CDH9: variants seen among roughly 807,000 people sequenced by gnomAD.
The protein encoded by CDH9 is cadherin-9.
Under a neutral mutation model 70.9 loss-of-function variants are expected in CDH9, and 28 were observed. That is an observed-to-expected ratio of 0.40 (90% CI 0.29 to 0.54). The LOEUF is 0.54. CDH9 is among the 20% of genes least tolerant of loss of function. The pLI, the probability that CDH9 is intolerant of heterozygous loss-of-function variation, is 0.59. For missense variants in CDH9, 874 were observed against 984.4 expected (o/e 0.89, Z 1.50); for synonymous variants, 409 against 343.1 (o/e 1.19, Z -2.12).
At chr5:26,931,168 T>C (rs1741456210) in intron 2 of CDH9, among the ~76,000 whole-genome samples, 1 of 152,068 alleles carries the variant, frequency 6.6e-6, no homozygotes, top group African/African-American at 2.4e-5. Flanking sequence ...AGGTATACAT[T>C]CCCTCTAGCA....
At chr5:26,907,660 A>G (rs998460059) in intron 3 of CDH9, among the ~76,000 whole-genome samples, 4 of 152,132 alleles carry the variant, frequency 2.6e-5, no homozygotes, top group African/African-American at 9.6e-5. Context: ...AATAAAATAT[A>G]TTGATGAATT....
At chr5:26,946,914 A>G (rs1222611244) in intron 2 of CDH9, among the ~76,000 whole-genome samples, 1 of 152,202 alleles carries the variant, frequency 6.6e-6, no homozygotes, top group East Asian at 1.9e-4. Flanking sequence ...AGTCAGGCAA[A>G]CCCTCACTGT....
At chr5:27,022,097 CG>C (rs757915107) in intron 1 of CDH9, among the ~76,000 whole-genome samples, 1 of 151,906 alleles carries the variant, frequency 6.6e-6, no homozygotes, top group Non-Finnish European at 1.5e-5. Context: ...AGATAAAACA[CG>C]GTTAAGAATA....
chr5:26,923,399 A>G (rs913093124), intron 2 of CDH9, among the ~76,000 whole-genome samples: 2 of 151,950 alleles, frequency 1.3e-5, no homozygotes, highest in African/African-American at 4.8e-5. Context: ...TATATATAAA[A>G]CCTTAGCACA....
intron 7 of CDH9, among the ~76,000 whole-genome samples, chr5:26,896,475 TATGAA>T (rs1357916344): frequency 7.9e-6 from 1 of 126,064 alleles, no homozygotes; most frequent in African/African-American, 2.6e-5. Context: ...TATACAATAG[TATGAA>T]ATGAAATGAA....
intron 2 of CDH9, among the ~76,000 whole-genome samples, chr5:26,985,806 G>C (rs948095956): frequency 8.5e-5 from 13 of 152,112 alleles, no homozygotes; most frequent in Middle Eastern, 3.4e-3. Context: ...GAAACACTGT[G>C]GTCAAAAAGA....
chr5:26,885,692 C>T lies in CDH9; in HGVS notation c.1804G>A (p.Ala602Thr). 8 of 1,613,492 alleles carry T rather than the reference C, an allele frequency of 5.0e-6. No individual in the cohort carries two copies. Among genetic ancestry groups the T allele is most frequent in the East Asian group, 4.5e-5 (2 of 44,826 alleles). ...DNQGNMQSCT[A>T]EALILSAGLS... ...CCGGCTGAAAGGATCAGGGCTTCTGCGGTGCAGGATTGCATGTTTCCTTGA... is the reference window on the plus strand; with the variant it reads ...CCGGCTGAAAGGATCAGGGCTTCTGTGGTGCAGGATTGCATGTTTCCTTGA... Residue 602 changes from alanine to threonine, a missense_variant, in exon 11 of 12, where the codon GCA (alanine) becomes ACA (threonine). Coordinates refer to ENST00000231021, the MANE Select transcript of CDH9 (RefSeq NM_016279.4).
intron 2 of CDH9, among the ~76,000 whole-genome samples, chr5:26,916,204 C>T (rs577488380): frequency 4.0e-5 from 6 of 151,818 alleles, no homozygotes; most frequent in Admixed American, 2.6e-4. Flanking sequence ...TAAAATGTTA[C>T]CAAGATTTAA....
chr5:26,953,230 A>G (rs2170039), intron 2 of CDH9, among the ~76,000 whole-genome samples: 29,231 of 152,206 alleles, frequency 0.19, 3,680 homozygotes, highest in Non-Finnish European at 0.28. Flanking sequence ...ATTATACTCT[A>G]ATTTTGATTT....
intron 2 of CDH9, among the ~76,000 whole-genome samples, chr5:26,965,633 T>A (rs1205525185): frequency 6.6e-6 from 1 of 150,818 alleles, no homozygotes; most frequent in East Asian, 1.9e-4. Context: ...TGGTGATACA[T>A]TTATGAGCTT....
intron 1 of CDH9, among the ~76,000 whole-genome samples, chr5:27,005,500 T>C (rs1029781825): frequency 6.6e-6 from 1 of 151,982 alleles, no homozygotes; most frequent in Non-Finnish European, 1.5e-5. Flanking sequence ...TGGCCATTAT[T>C]AAAAAGTCAA....
At chr5:26,930,994 T>C (rs1462878938) in intron 2 of CDH9, among the ~76,000 whole-genome samples, 2 of 152,174 alleles carry the variant, frequency 1.3e-5, no homozygotes, top group African/African-American at 4.8e-5. Flanking sequence ...AAACCAATTA[T>C]AATCCTACTT....
At chr5:26,929,153 A>G (rs1741396990) in intron 2 of CDH9, among the ~76,000 whole-genome samples, 1 of 152,012 alleles carries the variant, frequency 6.6e-6, no homozygotes, top group Admixed American at 6.6e-5. Context: ...AAGAAAATCT[A>G]AGTATTCGAT....
At chr5:26,970,455 C>T (rs150477687) in intron 2 of CDH9, among the ~76,000 whole-genome samples, 194 of 152,154 alleles carry the variant, frequency 1.3e-3, no homozygotes, top group African/African-American at 4.5e-3. Flanking sequence ...AACAACCTCA[C>T]TGCATCTATG....
chr5:26,915,550 A>G, intron 3 of CDH9, 80 bp downstream of exon 3: 2 of 822,890 alleles, frequency 2.4e-6, no homozygotes, highest in Non-Finnish European at 4.0e-6. Context: ...GAGGCCACAT[A>G]TCATAACCAC....
chr5:26,936,872 C>A (rs1278739266), intron 2 of CDH9, among the ~76,000 whole-genome samples: 1 of 146,660 alleles, frequency 6.8e-6, no homozygotes. Context: ...CGCACACACA[C>A]ACACACCACT....
intron 7 of CDH9, among the ~76,000 whole-genome samples, chr5:26,895,569 A>G (rs1229982075): frequency 6.6e-6 from 1 of 152,018 alleles, no homozygotes; most frequent in African/African-American, 2.4e-5. Context: ...TTAAGCATAA[A>G]ATAGGTGTAA....
At chr5:26,898,130 C>A (rs1272163127) in intron 7 of CDH9, among the ~76,000 whole-genome samples, 1 of 152,030 alleles carries the variant, frequency 6.6e-6, no homozygotes, top group African/African-American at 2.4e-5. Context: ...TGTGAAGTAC[C>A]TCTTCAAGGA....
At chr5:27,013,914 C>G (rs974831715) in intron 1 of CDH9, among the ~76,000 whole-genome samples, 1 of 151,960 alleles carries the variant, frequency 6.6e-6, no homozygotes, top group African/African-American at 2.4e-5. Context: ...GATAACACAT[C>G]TATAAGGTGA....
Sources: allele counts gnomAD v4.1 joint callset (sites outside exome capture counted in the v4.1 genomes callset), GRCh38; gene constraint gnomAD v4.1.1; transcripts MANE v1.5; gene names NCBI Gene and HGNC (gene_info 2026-07-23, HGNC 2026-07-21).